Variants in TMEM245 observed in about 807,000 individuals in gnomAD.
TMEM245 encodes the protein transmembrane protein 245.
TMEM245 carries 69 observed loss-of-function variants against 101.2 expected under a neutral mutation model. The observed-to-expected ratio is 0.68, with a 90% CI of 0.56 to 0.83. The LOEUF (loss-of-function observed/expected upper bound fraction) is 0.83, where lower values mean the gene tolerates loss of function less well. Among genes scored for constraint, TMEM245 ranks in the 40% least tolerant of loss-of-function variants. The pLI, the probability that TMEM245 is intolerant of heterozygous loss-of-function variation, is 0.00. For synonymous variants in TMEM245, 537 were observed against 449.8 expected (o/e 1.19, Z -2.45); for missense variants, 1,075 against 1,092.8 (o/e 0.98, Z 0.23).
chr9:109,119,224 G>A (rs1020416006), intron 1 of TMEM245, 111 bp downstream of exon 1: 4 of 1,028,332 alleles, frequency 3.9e-6, no homozygotes, highest in Non-Finnish European at 5.4e-6. Flanking sequence ...GGTCACTGCA[G>A]CACAGGTGTG....
At chr9:109,051,422 A>G (rs193174350) in intron 12 of TMEM245, among the ~76,000 whole-genome samples, 1 of 152,192 alleles carries the variant, frequency 6.6e-6, no homozygotes, top group African/African-American at 2.4e-5. Context: ...ATTCTGAGAA[A>G]TGTGTCATTA....
chr9:109,044,801 C>A (rs1242306636), intron 14 of TMEM245, among the ~76,000 whole-genome samples: 1 of 150,100 alleles, frequency 6.7e-6, no homozygotes, highest in African/African-American at 2.5e-5. Flanking sequence ...TCACTGTCGC[C>A]CAGGCTGCAG....
chr9:109,082,379 G>C (rs1008047355), intron 7 of TMEM245, among the ~76,000 whole-genome samples: 2 of 152,166 alleles, frequency 1.3e-5, no homozygotes, highest in African/African-American at 4.8e-5. Flanking sequence ...TGGAAGGTCA[G>C]ATGTCATATT....
intron 8 of TMEM245, among the ~76,000 whole-genome samples, chr9:109,079,205 T>C (rs1437811967): frequency 6.6e-6 from 1 of 152,098 alleles, no homozygotes; most frequent in Non-Finnish European, 1.5e-5. Context: ...TTTTTAATAA[T>C]TTCATGTTGT....
intron 10 of TMEM245, among the ~76,000 whole-genome samples, chr9:109,062,961 C>T (rs975658592): frequency 6.7e-6 from 1 of 148,580 alleles, no homozygotes; most frequent in Non-Finnish European, 1.5e-5. Context: ...CAGAGCAAGA[C>T]TCCCTCTCCA....
intron 14 of TMEM245, among the ~76,000 whole-genome samples, chr9:109,045,414 A>C (rs994196278): frequency 1.3e-5 from 2 of 152,192 alleles, no homozygotes; most frequent in Non-Finnish European, 2.9e-5. Context: ...TCACCCTCCA[A>C]AACAGTGGTG....
rs558238558 is a variant in TMEM245, at chr9:109,019,839, G to C, written c.*621C>G. 5 of 152,314 alleles carry C rather than the reference G, an allele frequency of 3.3e-5. No individual in the cohort carries two copies. The highest frequency in any genetic ancestry group is 4.4e-5 in the Non-Finnish European group (3 of 68,050). The allele number at this position is 152,314 out of a possible 1,614,324, so 9.4% of individuals were successfully genotyped here. ...GAAGAGAAAAGGAAGAGGAGGAAGA[G>C]CTTCAGTCTTTGTATCTCCCAGGGT... On this transcript the variant is annotated 3_prime_UTR_variant, in exon 18 of 18. Coordinates refer to ENST00000374586, the MANE Select transcript of TMEM245 (RefSeq NM_032012.4).
At chr9:109,036,489 A>G (rs1828126767) in intron 15 of TMEM245, 109 bp from the exon 16 acceptor site, 1 of 1,053,598 alleles carries the variant, frequency 9.5e-7, no homozygotes, top group Non-Finnish European at 1.3e-6. Flanking sequence ...AAAACAAGTT[A>G]AATACTCACA....
intron 1 of TMEM245, among the ~76,000 whole-genome samples, chr9:109,114,943 A>T (rs565373196): frequency 2.0e-5 from 3 of 152,336 alleles, no homozygotes; most frequent in Admixed American, 2.0e-4. Context: ...CTCATCCCAT[A>T]AATGATTAGT....
At chr9:109,058,352 G>A (rs1041841977) in intron 11 of TMEM245, among the ~76,000 whole-genome samples, 13 of 151,986 alleles carry the variant, frequency 8.6e-5, no homozygotes, top group African/African-American at 2.7e-4. Context: ...AATGAGGACA[G>A]AAGAATATAA....
At chr9:109,100,976 T>G (rs1830268119) in intron 3 of TMEM245, among the ~76,000 whole-genome samples, 1 of 152,098 alleles carries the variant, frequency 6.6e-6, no homozygotes, top group African/African-American at 2.4e-5. Context: ...CCACTGAAAC[T>G]AACTCAGCAA....
intron 7 of TMEM245, among the ~76,000 whole-genome samples, chr9:109,082,963 C>G (rs1253846862): frequency 6.6e-6 from 1 of 151,790 alleles, no homozygotes; most frequent in Non-Finnish European, 1.5e-5. Context: ...AAAAAAGAAG[C>G]TAAGAAGTTG....
At chr9:109,106,188 G>A (rs1830415326) in intron 3 of TMEM245, among the ~76,000 whole-genome samples, 1 of 16,356 alleles carries the variant, frequency 6.1e-5, no homozygotes, top group African/African-American at 2.6e-4. Flanking sequence ...TTGTGCCACT[G>A]CACTCCAGCC....
In TMEM245 at chr9:109,108,527, T is replaced by C. The variant is rs927561186; in HGVS notation, c.623A>G (p.Lys208Arg). The change falls in exon 2 of 18, where the codon AAG becomes AGG. Residue 208 changes from lysine to arginine, a missense_variant. Physicochemically the swap from Lys to Arg is conservative, Grantham distance 26. Transcript: ENST00000374586. ...GTAGCGTTCAGTGCTTGCATTCCAC[T>C]TGAATGAAACAGTCAACACATAGCC... Reference protein sequence around the residue: ...VVGYVLTVSFKWNASTERYLR... With the variant: ...VVGYVLTVSFRWNASTERYLR... 6.2e-7 allele frequency: 1 copy of C among 1,611,106 alleles called. No individual in the cohort carries two copies. Among genetic ancestry groups the C allele is most frequent in the African/African-American group, 1.3e-5 (1 of 74,684 alleles).
intron 6 of TMEM245, among the ~76,000 whole-genome samples, chr9:109,086,300 T>C (rs1349872050): frequency 6.6e-6 from 1 of 152,218 alleles, no homozygotes; most frequent in East Asian, 1.9e-4. Flanking sequence ...CTCGTAGGCT[T>C]AGTGTCTCCA....
intron 11 of TMEM245, among the ~76,000 whole-genome samples, 197 bp from the exon 12 acceptor site, chr9:109,057,519 G>A (rs1026169879): frequency 2.0e-5 from 3 of 152,142 alleles, no homozygotes; most frequent in African/African-American, 4.8e-5. Context: ...TTGGGAGGCC[G>A]AGGCAGGTGG....
intron 10 of TMEM245, among the ~76,000 whole-genome samples, chr9:109,061,344 T>C (rs1829006365): frequency 6.6e-6 from 1 of 152,078 alleles, no homozygotes; most frequent in Non-Finnish European, 1.5e-5. Context: ...CCAAAGAATT[T>C]CTAGAAGTTT....
At chr9:109,041,361 C>T (rs1044072587) in intron 14 of TMEM245, among the ~76,000 whole-genome samples, 1 of 151,698 alleles carries the variant, frequency 6.6e-6, no homozygotes, top group Non-Finnish European at 1.5e-5. Flanking sequence ...GTTAAATAAG[C>T]CAGGCACAGC....
chr9:109,084,703 AT>A (rs1475623478), intron 7 of TMEM245, among the ~76,000 whole-genome samples: 1 of 152,182 alleles, frequency 6.6e-6, no homozygotes, highest in Admixed American at 6.5e-5. Flanking sequence ...ACAAATAAAA[AT>A]TTTTTAGAAA....
Sources: gnomAD v4.1 joint callset for allele counts (sites outside exome capture counted in the v4.1 genomes callset) on GRCh38, gnomAD v4.1.1 for gene constraint, MANE v1.5 for transcripts, NCBI Gene and HGNC (gene_info 2026-07-23, HGNC 2026-07-21) for gene names.